The following KRT72 variants were observed in gnomAD, a reference collection of about 807,000 sequenced individuals.
KRT72 encodes keratin 72, also known as keratin, type II cytoskeletal 72.
In KRT72, 44 loss-of-function variants were observed where a neutral mutation model predicts 44.7. That is an observed-to-expected ratio of 0.98 (90% CI 0.77 to 1.27). The LOEUF (loss-of-function observed/expected upper bound fraction) is 1.27. KRT72 is among the 50% of genes most tolerant of loss of function. The pLI, the probability that KRT72 is intolerant of heterozygous loss-of-function variation, is 0.00. For synonymous variants in KRT72, 302 were observed against 280.4 expected (o/e 1.08, Z -0.77); for missense variants, 736 against 667.1 (o/e 1.10, Z -1.14).
Position 52,590,775 on chromosome 12 carries a change from C to T in KRT72, c.1089+61G>A, listed in dbSNP as rs539168201. 5.2e-5 allele frequency: 77 copies of T among 1,478,592 alleles called. 1 individual carries two copies. In the South Asian group the frequency reaches 1.1e-3, roughly 21 times the overall value. The allele number at this position is 1,478,592 out of a possible 1,614,324, so 91.6% of individuals were successfully genotyped here. ...CTGTGTTTTACCCTTTCTTCATATT[C>T]TGTCTGGCCCAGATTGTGACTCAAT... is the stretch of plus-strand genomic sequence containing the variant. On this transcript the variant is annotated intron_variant, in intron 6 of 8. Transcript: ENST00000293745.
chr12:52,591,359 T>TACACACACACAC (rs71092772), intron 5 of KRT72, 105 bp downstream of exon 5: 3 of 1,126,940 alleles, frequency 2.7e-6, no homozygotes, highest in African/African-American at 3.1e-5. Flanking sequence ...TGAGCCCAAA[T>TACACACACACAC]ACACACACAC....
chr12:52,602,725 A>G (rs965298384), upstream of KRT72, among the ~76,000 whole-genome samples: 1 of 152,172 alleles, frequency 6.6e-6, no homozygotes, highest in Non-Finnish European at 1.5e-5. Flanking sequence ...GAAACAGCAG[A>G]GTGCTTAGGG....
intron 2 of KRT72, among the ~76,000 whole-genome samples, chr12:52,596,550 T>C (rs1041511566): frequency 6.0e-5 from 9 of 151,000 alleles, no homozygotes; most frequent in Non-Finnish European, 8.8e-5. Context: ...ACTTTCTTTT[T>C]TTCTTTCTTT....
At chr12:52,599,232 G>T (rs1369892076) in intron 1 of KRT72, 120 bp from the exon 2 acceptor site, 5 of 893,900 alleles carry the variant, frequency 5.6e-6, no homozygotes, top group Non-Finnish European at 9.0e-6. Context: ...AGAAAACAAG[G>T]CTTATCCCGG....
chr12:52,596,944 T>C (rs1034385968), intron 2 of KRT72, among the ~76,000 whole-genome samples: 1 of 152,074 alleles, frequency 6.6e-6, no homozygotes, highest in Non-Finnish European at 1.5e-5. Flanking sequence ...GTGGGGAAAG[T>C]GGGATGAAAA....
chr12:52,588,226 T>C (rs1057490751), intron 6 of KRT72, among the ~76,000 whole-genome samples: 1 of 152,220 alleles, frequency 6.6e-6, no homozygotes, highest in Admixed American at 6.5e-5. Context: ...AGCTCTGCAG[T>C]GTACAGGTTG....
chr12:52,602,021 T>G (rs1039380010), upstream of KRT72, among the ~76,000 whole-genome samples: 6 of 152,244 alleles, frequency 3.9e-5, no homozygotes, highest in Non-Finnish European at 1.5e-5. Flanking sequence ...GAGGAGATTT[T>G]GGCCCCGTCT....
At chr12:52,587,435 T>C (rs1939810220) in intron 7 of KRT72, among the ~76,000 whole-genome samples, 196 bp downstream of exon 7, 1 of 152,138 alleles carries the variant, frequency 6.6e-6, no homozygotes, top group African/African-American at 2.4e-5. Context: ...ATACCTCCTC[T>C]CCCACAGCCT....
At chr12:52,602,398 G>A (rs1592238079), upstream of KRT72, among the ~76,000 whole-genome samples, 1 of 152,348 alleles carries the variant, frequency 6.6e-6, no homozygotes, top group South Asian at 2.1e-4. Context: ...AGACTCTTCA[G>A]ATCTAAAACC....
In KRT72 at chr12:52,590,720, G is replaced by GA. The variant is rs1448631646; in HGVS notation, c.1089+115_1089+116insT. Reference sequence around the variant, plus strand: ...ATATCTGTTCAGATCATCCTCTCCTGGTAAATTAGAGGAGGCCCTAAGGAG... The same window carrying GA: ...ATATCTGTTCAGATCATCCTCTCCTGAGTAAATTAGAGGAGGCCCTAAGGAG... On this transcript the variant is annotated intron_variant, in intron 6 of 8. Coordinates refer to ENST00000293745, the MANE Select transcript of KRT72 (RefSeq NM_080747.3). 3 of 974,614 alleles carry GA rather than the reference G, an allele frequency of 3.1e-6. No homozygotes were observed. In the African/African-American group the frequency reaches 4.8e-5, roughly 16 times the overall value. 60.4% of individuals were successfully genotyped at this position (974,614 alleles called of 1,614,324 possible). A position where few individuals can be genotyped will look rare whatever the true frequency, so the allele number is the denominator to read the frequency against.
rs1048888493 is a variant in KRT72 at position 52,601,084 on chromosome 12, G to C, written c.369C>G (p.Ala123=). The change falls in exon 1 of 9, where the codon GCC becomes GCG. Residue 123 remains alanine, a synonymous_variant. Coordinates refer to ENST00000293745, the MANE Select transcript of KRT72 (RefSeq NM_080747.3). The part of the protein sequence containing the change: ...EMDPEIQRVR[A]QEREQIKALN... ...GCGCCTTGATCTGCTCCCGCTCCTGGGCGCGCACCCTCTGGATCTCGGGGT... is the reference window on the plus strand; with the variant it reads ...GCGCCTTGATCTGCTCCCGCTCCTGCGCGCGCACCCTCTGGATCTCGGGGT... 1 of 1,612,314 alleles carries C rather than the reference G, an allele frequency of 6.2e-7. No individual in the cohort carries two copies. The highest frequency in any genetic ancestry group is 8.5e-7 in the Non-Finnish European group (1 of 1,179,520).
At chr12:52,598,723 G>A (rs1056302453) in intron 2 of KRT72, among the ~76,000 whole-genome samples, 175 bp downstream of exon 2, 2 of 152,038 alleles carry the variant, frequency 1.3e-5, no homozygotes, top group Non-Finnish European at 2.9e-5. Flanking sequence ...ACATTTCCTC[G>A]ACAGTTTGGA....
At chr12:52,586,810 C>T in intron 8 of KRT72, 136 bp downstream of exon 8, 1 of 815,790 alleles carries the variant, frequency 1.2e-6, no homozygotes, top group Admixed American at 1.9e-5. Context: ...TTACTACAGC[C>T]AGCTCCTTCC....
intron 1 of KRT72, chr12:52,599,394 T>C (rs1457342157): frequency 5.7e-6 from 3 of 522,350 alleles, no homozygotes; most frequent in Non-Finnish European, 1.1e-5. Context: ...TCTCATGCTA[T>C]AAATGCTGGT....
At position 52,601,029 on chromosome 12, in the gene KRT72, T is replaced by C. The variant is rs773116408; in HGVS notation, c.424A>G (p.Lys142Glu). 3 of 1,611,560 alleles carry C rather than the reference T, an allele frequency of 1.9e-6. No homozygotes were observed. Among genetic ancestry groups the C allele is most frequent in the East Asian group, 2.2e-5 (1 of 44,656 alleles). Residue 142 changes from lysine (K) to glutamate (E), a missense_variant and splice_region_variant, in exon 1 of 9, where the codon AAG becomes GAG. Lys to Glu is a moderately conservative substitution (Grantham distance 56). Coordinates refer to ENST00000293745, the MANE Select transcript of KRT72 (RefSeq NM_080747.3). ...LNNKFASFID[K>E]VRFLEQQNQV... is the part of the protein sequence containing the mutation. ...CAGGCCAATGCCCGAGGACTCACCT[T>C]GTCGATGAAGGAGGCGAACTTGTTG... is the stretch of plus-strand genomic sequence containing the variant.
chr12:52,600,878 C>T, intron 1 of KRT72, 149 bp downstream of exon 1: 1 of 787,896 alleles, frequency 1.3e-6, no homozygotes, highest in Middle Eastern at 3.8e-4. Context: ...TGGAGTAAGA[C>T]CCATTATTGT....
At chr12:52,600,841 T>A (rs1049341420) in intron 1 of KRT72, among the ~76,000 whole-genome samples, 186 bp downstream of exon 1, 22 of 152,130 alleles carry the variant, frequency 1.4e-4, no homozygotes, top group Non-Finnish European at 1.5e-4. Flanking sequence ...TTCGTAAACA[T>A]CCCAATTAAG....
At chr12:52,587,413 T>C (rs1163436878) in intron 7 of KRT72, among the ~76,000 whole-genome samples, 2 of 152,172 alleles carry the variant, frequency 1.3e-5, no homozygotes, top group African/African-American at 2.4e-5. Flanking sequence ...TTCTCAAACA[T>C]TGCCGGCATT....
At chr12:52,598,216 T>C (rs1940284351) in intron 2 of KRT72, among the ~76,000 whole-genome samples, 1 of 152,224 alleles carries the variant, frequency 6.6e-6, no homozygotes, top group South Asian at 2.1e-4. Flanking sequence ...GGTTCTGCTT[T>C]GAAGGAATTT....
Sources: allele counts gnomAD v4.1 joint callset (sites outside exome capture counted in the v4.1 genomes callset), GRCh38; gene constraint gnomAD v4.1.1; transcripts MANE v1.5; gene names NCBI Gene and HGNC (gene_info 2026-07-23, HGNC 2026-07-21).